Variants in PCDH15 observed in about 807,000 individuals in gnomAD.
PCDH15 encodes the protein protocadherin related 15.
Under a neutral mutation model 178.5 loss-of-function variants are expected in PCDH15, and 129 were observed. The ratio of observed to expected loss-of-function variants is 0.72; its 90% CI spans 0.63 to 0.84. The LOEUF (loss-of-function observed/expected upper bound fraction) is 0.84. PCDH15 is among the 40% of genes least tolerant of loss of function. The pLI, the probability that PCDH15 is intolerant of heterozygous loss-of-function variation, is 0.00. For synonymous variants in PCDH15, 800 were observed against 732.0 expected (o/e 1.09, Z -1.50); for missense variants, 2,230 against 2,099.9 (o/e 1.06, Z -1.21).
chr10:55,359,242 G>A (rs1018903852), intron 2 of PCDH15, among the ~76,000 whole-genome samples: 7 of 151,412 alleles, frequency 4.6e-5, no homozygotes, highest in Non-Finnish European at 8.8e-5. Context: ...AATGGCACAA[G>A]TATACTAAAA....
rs373500727 is a variant in PCDH15, at chr10:55,462,106, A to C, written c.-156+165519T>G. On this transcript the variant is annotated intron_variant, in intron 2 of 5. Coordinates refer to the PCDH15 transcript ENST00000613346. ...TAGCTTGACTCCCACAGGTCTAACC[A>C]CTTACTAATTGATAAGTATAATGCA... Among the ~76,000 whole-genome samples, 46 of 152,264 alleles carry C rather than the reference A, an allele frequency of 3.0e-4. No individual in the cohort carries two copies. In the East Asian group the frequency reaches 8.7e-3, roughly 29 times the overall value.
At chr10:55,437,485 A>G (rs1242625671) in intron 2 of PCDH15, among the ~76,000 whole-genome samples, 1 of 152,170 alleles carries the variant, frequency 6.6e-6, no homozygotes, top group Non-Finnish European at 1.5e-5. Flanking sequence ...TTTGGAAAAG[A>G]GGCACCTTGG....
intron 15 of PCDH15, among the ~76,000 whole-genome samples, chr10:54,131,547 A>G (rs1338500682): frequency 2.2e-4 from 33 of 152,232 alleles, no homozygotes; most frequent in Non-Finnish European, 5.9e-5. Context: ...AAATCCTCCA[A>G]ATTTCCATAT....
intron 15 of PCDH15, among the ~76,000 whole-genome samples, chr10:54,124,401 G>A (rs2041818666): frequency 6.6e-6 from 1 of 152,066 alleles, no homozygotes; most frequent in Non-Finnish European, 1.5e-5. Flanking sequence ...GAAAGTTCTG[G>A]AAACAGACGG....
chr10:55,475,773 G>A lies in PCDH15; in HGVS notation c.-156+151852C>T, dbSNP rs371823019. ...AGAAAATCAAAATTCAAAACACTTT[G>A]GTCCCAAGCCTTTTGGATAAGTGAT... On this transcript the variant is annotated intron_variant, in intron 2 of 5. Coordinates refer to the PCDH15 transcript ENST00000613346. Among the ~76,000 whole-genome samples, 10 of 152,036 alleles carry A rather than the reference G, an allele frequency of 6.6e-5. No homozygotes were observed. The East Asian group carries it at 7.7e-4, about 12-fold the overall frequency.
intron 2 of PCDH15, among the ~76,000 whole-genome samples, chr10:55,548,547 G>T (rs1425164227): frequency 1.3e-5 from 2 of 152,180 alleles, no homozygotes; most frequent in African/African-American, 4.8e-5. Flanking sequence ...AACCTTGAAA[G>T]GGAGATTACT....
chr10:53,907,684 A>G (rs2082773756), intron 25 of PCDH15, among the ~76,000 whole-genome samples: 3 of 152,170 alleles, frequency 2.0e-5, no homozygotes, highest in African/African-American at 7.2e-5. Context: ...ATGACTCCTG[A>G]GGTAAGAAAA....
chr10:54,140,840 C>T (rs895639039), intron 14 of PCDH15, among the ~76,000 whole-genome samples: 3 of 152,066 alleles, frequency 2.0e-5, no homozygotes, highest in Non-Finnish European at 4.4e-5. Flanking sequence ...TGTGCCACAA[C>T]ACCTGGCTAA....
chr10:55,192,742 T>C (rs1839976600), intron 1 of PCDH15, among the ~76,000 whole-genome samples: 1 of 144,780 alleles, frequency 6.9e-6, no homozygotes, highest in African/African-American at 2.6e-5. Flanking sequence ...TCTCTCTCTC[T>C]ATATATATAT....
intron 1 of PCDH15, among the ~76,000 whole-genome samples, chr10:54,786,366 G>A (rs1279951529): frequency 6.6e-6 from 1 of 151,942 alleles, no homozygotes; most frequent in Non-Finnish European, 1.5e-5. Context: ...TGAGCTCCTA[G>A]GAGAAGATCT....
intron 35 of PCDH15, among the ~76,000 whole-genome samples, chr10:53,811,965 T>TTTAAC (rs1305862260): frequency 6.6e-6 from 1 of 152,220 alleles, no homozygotes; most frequent in Non-Finnish European, 1.5e-5. Flanking sequence ...ATAGTTAATA[T>TTTAAC]TTAACTCAAT....
intron 1 of PCDH15, among the ~76,000 whole-genome samples, chr10:54,683,779 T>C (rs1325374392): frequency 1.3e-5 from 2 of 152,116 alleles, no homozygotes; most frequent in African/African-American, 4.8e-5. Flanking sequence ...TGCGATCAAG[T>C]GTCTGACTAA....
intron 3 of PCDH15, among the ~76,000 whole-genome samples, chr10:54,817,849 A>G (rs934272362): frequency 6.6e-6 from 1 of 152,068 alleles, no homozygotes; most frequent in Non-Finnish European, 1.5e-5. Flanking sequence ...AGCTGTAGCT[A>G]TATCTTATTA....
intron 2 of PCDH15, among the ~76,000 whole-genome samples, chr10:55,476,731 T>C (rs529190269): frequency 2.0e-5 from 3 of 152,166 alleles, no homozygotes; most frequent in African/African-American, 7.2e-5. Flanking sequence ...ATATGCTTAA[T>C]GCTTACTTAT....
At chr10:55,413,108 T>C (rs1195198974) in intron 2 of PCDH15, among the ~76,000 whole-genome samples, 1 of 151,836 alleles carries the variant, frequency 6.6e-6, no homozygotes, top group East Asian at 1.9e-4. Context: ...AGGGTATATG[T>C]TAATACCACT....
intron 8 of PCDH15, among the ~76,000 whole-genome samples, chr10:54,295,175 GA>G (rs1284731261): frequency 1.3e-5 from 2 of 151,616 alleles, no homozygotes; most frequent in African/African-American, 2.4e-5. Flanking sequence ...GCCGGATGGG[GA>G]TTTGGAGAAC....
At chr10:54,211,925 A>G (rs1334961000) in intron 10 of PCDH15, among the ~76,000 whole-genome samples, 2 of 152,038 alleles carry the variant, frequency 1.3e-5, no homozygotes, top group Admixed American at 6.6e-5. Flanking sequence ...CACAAAACAT[A>G]GTAATTTGAA....
chr10:54,605,615 T>C (rs2092710138), intron 2 of PCDH15: 1 of 151,992 alleles, frequency 6.6e-6, no homozygotes, highest in Non-Finnish European at 1.5e-5. Context: ...CTGAAACAGG[T>C]GAGATACTGA....
rs1321722880 is a variant in PCDH15 at position 55,077,698 on chromosome 10, C to T, written c.-80+88878G>A. 5.3e-5 allele frequency among the ~76,000 whole-genome samples: 8 copies of T among 152,120 alleles called. No homozygotes were observed. In the East Asian group the frequency reaches 5.8e-4, roughly 11 times the overall value. On this transcript the variant is annotated intron_variant, in intron 2 of 5. Coordinates refer to the PCDH15 transcript ENST00000458638. ...CCGAGTAGCTGGTATTAAAGGCATGCGCCACACCTGGCTACTTTTTGTATT... is the reference window on the plus strand; with the variant it reads ...CCGAGTAGCTGGTATTAAAGGCATGTGCCACACCTGGCTACTTTTTGTATT...
Sources: allele counts gnomAD v4.1 joint callset (sites outside exome capture counted in the v4.1 genomes callset), GRCh38; gene constraint gnomAD v4.1.1; transcripts MANE v1.5; gene names NCBI Gene and HGNC (gene_info 2026-07-23, HGNC 2026-07-21).